The following LRRTM4 variants were observed in gnomAD, a reference collection of about 807,000 sequenced individuals.
The protein encoded by LRRTM4 is leucine-rich repeat transmembrane neuronal protein 4.
A neutral mutation model predicts 47.6 loss-of-function variants in LRRTM4; 25 were observed. The ratio of observed to expected loss-of-function variants is 0.53; its 90% CI spans 0.38 to 0.73. LRRTM4 has a LOEUF of 0.73. Ranked by LOEUF, LRRTM4 falls within the 30% of genes least tolerant of loss-of-function variation. The probability of loss-of-function intolerance (pLI) is 0.00; values close to 1 mark genes in which losing one functional copy is unlikely to be tolerated. For synonymous variants in LRRTM4, 311 were observed against 269.5 expected, an observed-to-expected ratio of 1.15 and a Z score of -1.51; for missense variants, 638 against 713.4, an observed-to-expected ratio of 0.89 and a Z score of 1.20.
At position 77,517,850 on chromosome 2, in the gene LRRTM4, T is replaced by G. The variant is rs535934450; in HGVS notation, c.1551+468A>C. ...TTAAAACTAAAAATTTACAACAAAA[T>G]CAACCCTTGGGAAAATTGCTCTTTG... On this transcript the variant is annotated intron_variant, in intron 3 of 3. Transcript: ENST00000409884. 34 of 986,410 alleles carry G rather than the reference T, an allele frequency of 3.4e-5. No homozygotes were observed. The Admixed American group carries it at 1.2e-3, about 34-fold the overall frequency. 61.1% of individuals were successfully genotyped at this position (986,410 alleles called of 1,614,324 possible).
rs181197779 is a variant in LRRTM4 at position 76,993,953 on chromosome 2, T to C, written c.1552-245037A>G. Among the ~76,000 whole-genome samples the C allele has an allele frequency of 4.9e-3, 746 of 152,012 alleles. 9 individuals carry two copies. The highest frequency in any genetic ancestry group is 0.017 in the African/African-American group (696 of 41,522). ...ACATAAAATGAAAACATATTTTTTT[T>C]CAGCAACATAGATGCAGCTAAAGGC... On this transcript the variant is annotated intron_variant, in intron 3 of 3. Transcript: ENST00000409884.
At chr2:76,781,517 C>T (rs921633125) in intron 3 of LRRTM4, among the ~76,000 whole-genome samples, 30 of 152,202 alleles carry the variant, frequency 2.0e-4, no homozygotes, top group African/African-American at 5.8e-4. Context: ...ACCCGATTTT[C>T]CAGGTGCGGT....
chr2:77,481,451 T>C (rs1464815040), intron 3 of LRRTM4, among the ~76,000 whole-genome samples: 2 of 152,168 alleles, frequency 1.3e-5, no homozygotes, highest in Admixed American at 6.5e-5. Flanking sequence ...AATGAACAGA[T>C]TAGGGTAAAT....
intron 3 of LRRTM4, among the ~76,000 whole-genome samples, chr2:76,980,575 C>T (rs1000533956): frequency 6.6e-6 from 1 of 151,972 alleles, no homozygotes; most frequent in Non-Finnish European, 1.5e-5. Flanking sequence ...AAGTTCTTGG[C>T]ATCAGCATGA....
In LRRTM4 at chr2:76,926,854, T is replaced by C. The variant is rs772875716; in HGVS notation, c.1552-177938A>G. ...GAGCACAAAACGAACTAAGACTGTC[T>C]GCATGTACATACTATTCCTTACACT... On this transcript the variant is annotated intron_variant, in intron 3 of 3. Transcript: ENST00000409884. Among the ~76,000 whole-genome samples the C allele has an allele frequency of 5.3e-5, 8 of 152,262 alleles. No individual in the cohort carries two copies. The South Asian group carries it at 6.2e-4, about 12-fold the overall frequency.
intron 3 of LRRTM4, among the ~76,000 whole-genome samples, chr2:76,800,572 G>C (rs1675611799): frequency 6.9e-6 from 1 of 144,588 alleles, no homozygotes. Flanking sequence ...AACACCAAAA[G>C]CAATGGCAAC....
At chr2:76,979,451 C>T (rs1370910094) in intron 3 of LRRTM4, among the ~76,000 whole-genome samples, 1 of 148,636 alleles carries the variant, frequency 6.7e-6, no homozygotes, top group Non-Finnish European at 1.5e-5. Flanking sequence ...GTACAATGTA[C>T]TTTGAGATGT....
At chr2:77,043,842 AT>A (rs1328314889) in intron 3 of LRRTM4, among the ~76,000 whole-genome samples, 4 of 151,870 alleles carry the variant, frequency 2.6e-5, no homozygotes, top group African/African-American at 9.6e-5. Context: ...AGATAAAAAA[AT>A]CAATTATAAT....
chr2:77,476,681 AC>A (rs1258782833), intron 3 of LRRTM4, among the ~76,000 whole-genome samples: 7 of 152,136 alleles, frequency 4.6e-5, no homozygotes, highest in African/African-American at 1.7e-4. Flanking sequence ...ATGACGTAGA[AC>A]AATTGTTATG....
intron 3 of LRRTM4, among the ~76,000 whole-genome samples, chr2:77,451,559 T>C (rs1676254734): frequency 6.6e-6 from 1 of 152,072 alleles, no homozygotes; most frequent in Non-Finnish European, 1.5e-5. Context: ...CTAAATTTTC[T>C]TGCAGGAGTT....
At chr2:77,032,274 C>A (rs890091532) in intron 3 of LRRTM4, among the ~76,000 whole-genome samples, 6 of 152,108 alleles carry the variant, frequency 3.9e-5, no homozygotes, top group African/African-American at 1.4e-4. Context: ...TACTTCAAAT[C>A]CTTGCTCAAT....
At chr2:77,076,139 T>C (rs1680330285) in intron 3 of LRRTM4, among the ~76,000 whole-genome samples, 1 of 152,130 alleles carries the variant, frequency 6.6e-6, no homozygotes, top group African/African-American at 2.4e-5. Flanking sequence ...AGAAAGATGC[T>C]GCAGCTAGGG....
intron 3 of LRRTM4, among the ~76,000 whole-genome samples, chr2:77,003,271 TTTGC>T (rs150844162): frequency 0.013 from 1,966 of 152,002 alleles, 42 homozygotes; most frequent in African/African-American, 0.045. Flanking sequence ...TTTACTTTTA[TTTGC>T]TTATTTTCAT....
chr2:77,283,865 T>C lies in LRRTM4; in HGVS notation c.1551+234453A>G, dbSNP rs78279062. ...TGGCAAGGGTTGAAAAACTACCTATTGATCATTATGCTTAGTACCTGAGTG... is the reference window on the plus strand; with the variant it reads ...TGGCAAGGGTTGAAAAACTACCTATCGATCATTATGCTTAGTACCTGAGTG... On this transcript the variant is annotated intron_variant, in intron 3 of 3. Transcript: ENST00000409884. Among the ~76,000 whole-genome samples, 481 of 152,098 alleles carry C rather than the reference T, an allele frequency of 3.2e-3. 4 individuals carry two copies. The highest frequency in any genetic ancestry group is 0.015 in the East Asian group (76 of 5,164).
chr2:76,948,185 CTTTTGTTTCTTTCTCCCACAGTA>C (rs1265042051), intron 3 of LRRTM4, among the ~76,000 whole-genome samples: 1 of 151,794 alleles, frequency 6.6e-6, no homozygotes, highest in Admixed American at 6.6e-5. Context: ...GTAGGACTGT[CTTTTGTTTCTTTCTCCCACAGTA>C]TTTGTTATTG....
chr2:76,809,686 C>A (rs1258784596), intron 3 of LRRTM4, among the ~76,000 whole-genome samples: 2 of 152,152 alleles, frequency 1.3e-5, no homozygotes, highest in Non-Finnish European at 2.9e-5. Context: ...TACCATCACC[C>A]TGAAAATAAA....
At chr2:77,218,461 C>A (rs576407049) in intron 3 of LRRTM4, among the ~76,000 whole-genome samples, 24 of 152,074 alleles carry the variant, frequency 1.6e-4, no homozygotes, top group Admixed American at 3.9e-4. Context: ...CCCCATAAAT[C>A]CCATCTCTCT....
At chr2:77,092,083 C>A (rs1437598802) in intron 3 of LRRTM4, among the ~76,000 whole-genome samples, 1 of 152,158 alleles carries the variant, frequency 6.6e-6, no homozygotes, top group Non-Finnish European at 1.5e-5. Flanking sequence ...CTGTGCTCAA[C>A]TCACTCTCTA....
chr2:77,285,922 G>A (rs1357354904), intron 3 of LRRTM4, among the ~76,000 whole-genome samples: 1 of 151,956 alleles, frequency 6.6e-6, no homozygotes, highest in Non-Finnish European at 1.5e-5. Context: ...CTAACCTTAA[G>A]GAAGTAATTA....
Sources: gnomAD v4.1 joint callset for allele counts (sites outside exome capture counted in the v4.1 genomes callset) on GRCh38, gnomAD v4.1.1 for gene constraint, MANE v1.5 for transcripts, NCBI Gene and HGNC (gene_info 2026-07-23, HGNC 2026-07-21) for gene names.